The following UFD1 variants were observed in gnomAD, a reference collection of about 807,000 sequenced individuals.
UFD1 encodes the protein ubiquitin recognition factor in ER-associated degradation protein 1.
UFD1 carries 13 observed loss-of-function variants against 45.9 expected under a neutral mutation model. The ratio of observed to expected loss-of-function variants is 0.28; its 90% confidence interval spans 0.18 to 0.45. UFD1 has a LOEUF of 0.45. Ranked by LOEUF, UFD1 falls within the 20% of genes least tolerant of loss-of-function variation. The pLI is 1.00. For synonymous variants in UFD1, 128 were observed against 139.2 expected, an observed-to-expected ratio of 0.92 and a Z score of 0.56; for missense variants, 218 against 389.2, an observed-to-expected ratio of 0.56 and a Z score of 3.70.
intron 6 of UFD1, among the ~76,000 whole-genome samples, chr22:19,458,811 C>T (rs371189134): frequency 3.9e-5 from 6 of 152,190 alleles, no homozygotes; most frequent in African/African-American, 9.7e-5. Flanking sequence ...CTCATACCAA[C>T]GTCACTAATA....
chr22:19,468,259 A>C (rs2089818091), intron 4 of UFD1, among the ~76,000 whole-genome samples: 1 of 152,284 alleles, frequency 6.6e-6, no homozygotes, highest in East Asian at 1.9e-4. Context: ...TGCCCGGATT[A>C]CTCACTAGCT....
chr22:19,450,699 A>T lies in UFD1; in HGVS notation c.895T>A (p.Ser299Thr). Residue 299 changes from serine (S) to threonine (T), a missense_variant, in exon 12 of 12, where the codon TCA (serine) becomes ACA (threonine). This residue lies in a region of UFD1 where 69 missense variants were observed against 81.7 expected (regional missense o/e 0.84). Coordinates refer to ENST00000263202, the MANE Select transcript of UFD1 (RefSeq NM_005659.7). ...RFVAFSGEGQ[S>T]LRKKGRKP ...GGCTTTCTTCCCTTTTTACGCAATGACTGTCCTTCTCCAGAGAAAGCGACG... is the reference window on the plus strand; with the variant it reads ...GGCTTTCTTCCCTTTTTACGCAATGTCTGTCCTTCTCCAGAGAAAGCGACG... 6.2e-7 allele frequency: 1 copy of T among 1,614,212 alleles called. No homozygotes were observed. The highest frequency in any genetic ancestry group is 8.5e-7 in the Non-Finnish European group (1 of 1,180,028).
At chr22:19,467,726 C>T in intron 5 of UFD1, 147 bp downstream of exon 5, 1 of 1,420,910 alleles carries the variant, frequency 7.0e-7, no homozygotes, top group East Asian at 2.4e-5. Flanking sequence ...GATGTGCTAG[C>T]TGAACCCCAT....
chr22:19,477,745 A>G (rs761095480), intron 1 of UFD1, among the ~76,000 whole-genome samples: 5 of 152,162 alleles, frequency 3.3e-5, no homozygotes, highest in Non-Finnish European at 5.9e-5. Flanking sequence ...CCAAATATAT[A>G]TTTAGTAGAA....
chr22:19,455,085 C>G (rs994423721), intron 10 of UFD1, among the ~76,000 whole-genome samples: 1 of 151,758 alleles, frequency 6.6e-6, no homozygotes, highest in Non-Finnish European at 1.5e-5. Context: ...GATTGGGAAG[C>G]CCTCACTGTC....
At chr22:19,462,371 G>C (rs763376363) in intron 6 of UFD1, among the ~76,000 whole-genome samples, 6 of 152,160 alleles carry the variant, frequency 3.9e-5, no homozygotes, top group Non-Finnish European at 8.8e-5. Context: ...ACTCTCTCAA[G>C]AGAGTAAGTC....
Position 19,469,174 on chromosome 22 carries a change from G to A in UFD1, c.292-1171C>T, listed in dbSNP as rs145753856. Among the ~76,000 whole-genome samples, 13 of 152,296 alleles carry A rather than the reference G, an allele frequency of 8.5e-5. No homozygotes were observed. The East Asian group carries it at 1.2e-3, about 14-fold the overall frequency. On this transcript the variant is annotated intron_variant, in intron 4 of 11. Transcript: ENST00000263202. ...TGCAGAGGTGACTGGCTTTGGTAAC[G>A]GGGGTCTGGCATCCCCAGGAGTGAT...
At chr22:19,451,206 T>C in intron 11 of UFD1, 6 of 986,504 alleles carry the variant, frequency 6.1e-6, no homozygotes, top group Non-Finnish European at 7.2e-6. Flanking sequence ...AAAGAATTGT[T>C]TTCCCACTTA....
In UFD1 at chr22:19,475,469, C is replaced by T; in HGVS notation, c.136+1G>A. The T allele has an allele frequency of 6.2e-7, 1 of 1,613,872 alleles. No homozygotes were observed. The highest frequency in any genetic ancestry group is 8.5e-7 in the Non-Finnish European group (1 of 1,179,860). On this transcript the variant is annotated splice_donor_variant, in intron 2 of 11. Coordinates refer to ENST00000263202, the MANE Select transcript of UFD1 (RefSeq NM_005659.7). LOFTEE classifies it high-confidence loss of function. ...CTATTCAAATAAAAACAAGCACATA[C>T]TCTTCCCTCCTTTCTCCACATCTGA... is the stretch of plus-strand genomic sequence containing the variant.
chr22:19,458,596 A>G (rs954797217), intron 6 of UFD1, among the ~76,000 whole-genome samples: 1 of 152,096 alleles, frequency 6.6e-6, no homozygotes, highest in Non-Finnish European at 1.5e-5. Flanking sequence ...GGCATGTGCC[A>G]CTACACCTGG....
intron 6 of UFD1, among the ~76,000 whole-genome samples, chr22:19,458,760 G>A (rs2089743180): frequency 6.6e-6 from 1 of 152,080 alleles, no homozygotes; most frequent in Non-Finnish European, 1.5e-5. Flanking sequence ...TTTATTCTAA[G>A]TAAATAACTA....
chr22:19,470,841 G>T, intron 4 of UFD1: 2 of 461,426 alleles, frequency 4.3e-6, no homozygotes, highest in East Asian at 6.7e-5. Flanking sequence ...GGAGAGGTGG[G>T]CTGTGCTTCA....
chr22:19,455,176 C>A (rs965506070), intron 10 of UFD1, among the ~76,000 whole-genome samples: 4 of 152,152 alleles, frequency 2.6e-5, no homozygotes, highest in African/African-American at 9.7e-5. Context: ...CAACAGACAA[C>A]TGACACACCT....
intron 3 of UFD1, among the ~76,000 whole-genome samples, chr22:19,472,384 T>G (rs2089852980): frequency 6.6e-6 from 1 of 151,018 alleles, no homozygotes; most frequent in African/African-American, 2.4e-5. Context: ...GGTGTGCGAG[T>G]GGTTGGGAAG....
In UFD1 at chr22:19,451,068, T is replaced by C. The variant is rs536707574; in HGVS notation, c.850-324A>G. On this transcript the variant is annotated intron_variant, in intron 11 of 11. Transcript: ENST00000263202. Reference sequence around the variant, plus strand: ...GAGCCAGGGCCATAGTGAGCTATGATTGTGCCACTGCTCCAGCCTGGATGG... The same window carrying C: ...GAGCCAGGGCCATAGTGAGCTATGACTGTGCCACTGCTCCAGCCTGGATGG... 2,410 of 1,034,078 alleles carry C rather than the reference T, an allele frequency of 2.3e-3. 6 individuals carry two copies. Among genetic ancestry groups the C allele is most frequent in the Non-Finnish European group, 2.7e-3 (2,308 of 858,554 alleles). 64.1% of individuals were successfully genotyped at this position (1,034,078 alleles called of 1,614,324 possible).
In UFD1 at chr22:19,471,564, C is replaced by T. The variant is rs138449001; in HGVS notation, c.291+123G>A. 86 of 1,433,138 alleles carry T rather than the reference C, an allele frequency of 6.0e-5. No homozygotes were observed. The African/African-American group carries it at 1.0e-3, about 17-fold the overall frequency. 88.8% of individuals were successfully genotyped at this position (1,433,138 alleles called of 1,614,324 possible). A position where few individuals can be genotyped will look rare whatever the true frequency, so the allele number is the denominator to read the frequency against. ...TCCCTTCTCTCTCGCTGGGTCGGCT[C>T]AGGCTAAGACGCTGAGCAGGAGGAG... On this transcript the variant is annotated intron_variant, in intron 4 of 11. Transcript: ENST00000263202.
chr22:19,478,566 G>A (rs1187401480), intron 1 of UFD1, among the ~76,000 whole-genome samples: 1 of 129,908 alleles, frequency 7.7e-6, no homozygotes, highest in Non-Finnish European at 1.5e-5. Flanking sequence ...AAATGTACCA[G>A]CAGGTATTAG....
chr22:19,465,056 C>T, intron 6 of UFD1, 146 bp downstream of exon 6: 2 of 711,654 alleles, frequency 2.8e-6, no homozygotes, highest in Non-Finnish European at 4.7e-6. Flanking sequence ...AAATATGAAC[C>T]CGGGAAAACT....
chr22:19,452,988 G>A (rs1170345313), intron 11 of UFD1: 1 of 962,272 alleles, frequency 1.0e-6, no homozygotes, highest in Non-Finnish European at 1.2e-6. Flanking sequence ...TTTCCCTGAT[G>A]ATTTCTGCTC....
Sources: gnomAD v4.1 joint callset for allele counts (sites outside exome capture counted in the v4.1 genomes callset) on GRCh38, gnomAD v4.1.1 for gene constraint, gnomAD v4.1.1 regional missense constraint, MANE v1.5 for transcripts, NCBI Gene and HGNC (gene_info 2026-07-23, HGNC 2026-07-21) for gene names.